The following AGPAT5 variants were observed in gnomAD, a reference collection of about 807,000 sequenced individuals.
AGPAT5 encodes 1-acyl-sn-glycerol-3-phosphate acyltransferase epsilon.
Under a neutral mutation model 45.6 loss-of-function variants are expected in AGPAT5, and 46 were observed. The observed-to-expected ratio is 1.01, with a 90% confidence interval of 0.80 to 1.29. AGPAT5 has a LOEUF of 1.29. Among genes scored for constraint, AGPAT5 ranks in the 50% most tolerant of loss-of-function variants. The probability of loss-of-function intolerance (pLI) is 0.00; values close to 1 mark genes in which losing one functional copy is unlikely to be tolerated. For missense variants in AGPAT5, 673 were observed against 450.7 expected, an observed-to-expected ratio of 1.49 and a Z score of -4.47; for synonymous variants, 272 against 167.0, an observed-to-expected ratio of 1.63 and a Z score of -4.85.
At chr8:6,755,263 T>C in intron 7 of AGPAT5, 89 bp downstream of exon 7, 1 of 1,309,318 alleles carries the variant, frequency 7.6e-7, no homozygotes, top group Non-Finnish European at 1.1e-6. Flanking sequence ...TAAATGGTTA[T>C]ATTGTCTCAA....
At chr8:6,734,477 A>G (rs28803807) in intron 4 of AGPAT5, among the ~76,000 whole-genome samples, 26,373 of 151,860 alleles carry the variant, frequency 0.17, 2,457 homozygotes, top group East Asian at 0.25. Flanking sequence ...TCTCTGTGCT[A>G]GTGTATCTAT....
intron 4 of AGPAT5, among the ~76,000 whole-genome samples, chr8:6,740,916 C>A (rs950937922): frequency 6.6e-6 from 1 of 152,092 alleles, no homozygotes; most frequent in African/African-American, 2.4e-5. Flanking sequence ...TTTTGGCTGT[C>A]AATCAAAGTT....
chr8:6,731,856 C>T (rs1230515398), intron 3 of AGPAT5, among the ~76,000 whole-genome samples: 1 of 152,196 alleles, frequency 6.6e-6, no homozygotes, highest in East Asian at 1.9e-4. Context: ...GCCTCTCTCC[C>T]AGGCTTGCAG....
At position 6,758,251 on chromosome 8, in the gene AGPAT5, C is replaced by T. The variant is rs1000716026; in HGVS notation, c.*863C>T. On this transcript the variant is annotated 3_prime_UTR_variant, in exon 8 of 8. Coordinates refer to ENST00000285518, the MANE Select transcript of AGPAT5 (RefSeq NM_018361.5). ...AGAGTCGGTGTGAACCTTGGTTGGA[C>T]CCCAAGTTCACAAGATTTTTAAGGT... 1.3e-5 allele frequency: 2 copies of T among 152,512 alleles called. No individual in the cohort carries two copies. The highest frequency in any genetic ancestry group is 2.4e-5 in the African/African-American group (1 of 41,386). 9.4% of individuals were successfully genotyped at this position (152,512 alleles called of 1,614,324 possible). A position where few individuals can be genotyped will look rare whatever the true frequency, so the allele number is the denominator to read the frequency against.
chr8:6,715,707 A>T (rs1029099915), intron 1 of AGPAT5, among the ~76,000 whole-genome samples: 2 of 152,216 alleles, frequency 1.3e-5, no homozygotes, highest in African/African-American at 4.8e-5. Context: ...TCTAGGAAAG[A>T]CATGAACTGC....
intron 6 of AGPAT5, among the ~76,000 whole-genome samples, chr8:6,750,451 TA>T (rs2116954150): frequency 6.6e-6 from 1 of 152,260 alleles, no homozygotes; most frequent in South Asian, 2.1e-4. Flanking sequence ...ATAAAGAAAA[TA>T]AAATCTTATC....
intron 1 of AGPAT5, among the ~76,000 whole-genome samples, chr8:6,724,112 G>C (rs1026011820): frequency 6.6e-6 from 1 of 152,056 alleles, no homozygotes; most frequent in Non-Finnish European, 1.5e-5. Flanking sequence ...CAGGTACATC[G>C]AACACCTGTG....
chr8:6,717,353 A>G (rs1800365609), intron 1 of AGPAT5, among the ~76,000 whole-genome samples: 1 of 152,240 alleles, frequency 6.6e-6, no homozygotes, highest in African/African-American at 2.4e-5. Flanking sequence ...GCTTGGCATG[A>G]GAATTCCAGG....
At chr8:6,711,975 A>G (rs1800170205) in intron 1 of AGPAT5, among the ~76,000 whole-genome samples, 1 of 152,224 alleles carries the variant, frequency 6.6e-6, no homozygotes, top group Non-Finnish European at 1.5e-5. Flanking sequence ...TCCAAATAAG[A>G]AAACATTCAC....
chr8:6,709,832 T>C lies in AGPAT5; in HGVS notation c.219+945T>C, dbSNP rs189259774. On this transcript the variant is annotated intron_variant, in intron 1 of 7. Transcript: ENST00000285518. ...CTTGATGGCCCCAGTTGGAAGTTGT[T>C]TGGGGGGAAGGAACTAGGAGAGGCC... is the stretch of plus-strand genomic sequence containing the variant. 2.9e-4 allele frequency among the ~76,000 whole-genome samples: 44 copies of C among 152,248 alleles called. No individual in the cohort carries two copies. In the East Asian group the frequency reaches 8.1e-3, roughly 28 times the overall value.
rs769312050 is a variant in AGPAT5 at position 6,741,632 on chromosome 8, A to G, written c.496-29A>G. The G allele has an allele frequency of 3.3e-6, 5 of 1,533,624 alleles. No individual in the cohort carries two copies. The South Asian group carries it at 6.2e-5, about 19-fold the overall frequency. On this transcript the variant is annotated intron_variant, in intron 4 of 7. Coordinates refer to ENST00000285518, the MANE Select transcript of AGPAT5 (RefSeq NM_018361.5). ...ATAACAAAAACAAAGCTCACACAAA[A>G]TAAACCAAATTTGCTCTATGTCCCA...
chr8:6,726,727 T>C (rs539376833), intron 2 of AGPAT5, among the ~76,000 whole-genome samples: 66 of 152,324 alleles, frequency 4.3e-4, no homozygotes, highest in African/African-American at 1.4e-3. Context: ...GACCTGAATT[T>C]CATTTATCAG....
chr8:6,731,080 G>A (rs1168522774), intron 3 of AGPAT5, among the ~76,000 whole-genome samples: 1 of 151,918 alleles, frequency 6.6e-6, no homozygotes, highest in African/African-American at 2.4e-5. Context: ...GTGTTGCCCA[G>A]GCTGGTCTTG....
chr8:6,709,745 T>G (rs1344583485), intron 1 of AGPAT5, among the ~76,000 whole-genome samples: 2 of 152,054 alleles, frequency 1.3e-5, no homozygotes, highest in African/African-American at 4.8e-5. Context: ...CTACAGCAGC[T>G]GTTTTTACCC....
chr8:6,747,896 C>G (rs1368896737), intron 6 of AGPAT5, 68 bp downstream of exon 6: 10 of 1,476,458 alleles, frequency 6.8e-6, no homozygotes, highest in Non-Finnish European at 8.2e-6. Flanking sequence ...ATGTAGAATT[C>G]AGTTTTACAA....
At chr8:6,739,888 C>T (rs1306619812) in intron 4 of AGPAT5, among the ~76,000 whole-genome samples, 1 of 152,032 alleles carries the variant, frequency 6.6e-6, no homozygotes. Flanking sequence ...AGCCCCATTG[C>T]CCTTCCTAAA....
intron 1 of AGPAT5, among the ~76,000 whole-genome samples, chr8:6,721,858 T>C (rs1370007216): frequency 1.3e-5 from 2 of 152,154 alleles, no homozygotes; most frequent in African/African-American, 4.8e-5. Context: ...TTATTTTTAT[T>C]TTTATCTTTA....
intron 4 of AGPAT5, among the ~76,000 whole-genome samples, chr8:6,736,074 G>A (rs191156644): frequency 1.6e-4 from 25 of 152,060 alleles, no homozygotes; most frequent in Admixed American, 5.2e-4. Flanking sequence ...GGCTGGTCTC[G>A]AACTCCTGAC....
chr8:6,728,036 T>C (rs1800745111), intron 2 of AGPAT5, among the ~76,000 whole-genome samples: 1 of 152,196 alleles, frequency 6.6e-6, no homozygotes, highest in Non-Finnish European at 1.5e-5. Flanking sequence ...GCTGGATCCA[T>C]GGCAGGGAAG....
Sources: allele counts gnomAD v4.1 joint callset (sites outside exome capture counted in the v4.1 genomes callset), GRCh38; gene constraint gnomAD v4.1.1; transcripts MANE v1.5; gene names NCBI Gene and HGNC (gene_info 2026-07-23, HGNC 2026-07-21).